Variants in FGF10 observed in about 807,000 individuals in gnomAD.
The protein encoded by FGF10 is FGF-10.
FGF10 carries 2 observed loss-of-function variants against 19.8 expected under a neutral mutation model. The ratio of observed to expected loss-of-function variants is 0.10; its 90% CI spans 0.04 to 0.32. The LOEUF (loss-of-function observed/expected upper bound fraction) is 0.32. FGF10 is among the 10% of genes least tolerant of loss of function. The probability of loss-of-function intolerance (pLI) is 1.00; values close to 1 mark genes in which losing one functional copy is unlikely to be tolerated. For missense variants in FGF10, 191 were observed against 246.3 expected (o/e 0.78, Z 1.50); for synonymous variants, 112 against 94.0 (o/e 1.19, Z -1.10).
At chr5:44,371,035 G>T (rs1350124130) in intron 1 of FGF10, among the ~76,000 whole-genome samples, 3 of 151,988 alleles carry the variant, frequency 2.0e-5, no homozygotes, top group Non-Finnish European at 2.9e-5. Flanking sequence ...CATTTGCTAT[G>T]GTTTGAATAT....
rs1010288974 is a variant in FGF10, at chr5:44,300,529, A to G, written c.*4466T>C. Among the ~76,000 whole-genome samples the G allele has an allele frequency of 3.9e-5, 6 of 152,316 alleles. No individual in the cohort carries two copies. Among genetic ancestry groups the G allele is most frequent in the African/African-American group, 1.4e-4 (6 of 41,578 alleles). On this transcript the variant is annotated 3_prime_UTR_variant, in exon 3 of 3. Coordinates refer to ENST00000264664, the MANE Select transcript of FGF10 (RefSeq NM_004465.2). ...GCTTAAAACAAAACAATGCAAATGT[A>G]ATCTTTCAATGGTAAAGAACATATG...
chr5:44,369,444 G>A (rs1218435530), intron 1 of FGF10, among the ~76,000 whole-genome samples: 2 of 152,156 alleles, frequency 1.3e-5, no homozygotes, highest in African/African-American at 4.8e-5. Flanking sequence ...GGGGTTAGAC[G>A]CACATACGCA....
intron 1 of FGF10, among the ~76,000 whole-genome samples, chr5:44,345,704 C>T (rs1741077230): frequency 6.6e-6 from 1 of 151,054 alleles, no homozygotes; most frequent in African/African-American, 2.4e-5. Context: ...TCAATTTCAA[C>T]TGTCTTTTCT....
chr5:44,346,831 T>C (rs1246502170), intron 1 of FGF10, among the ~76,000 whole-genome samples: 3 of 151,898 alleles, frequency 2.0e-5, no homozygotes, highest in African/African-American at 7.2e-5. Context: ...AACAGAATAA[T>C]TTTATTTAGT....
chr5:44,306,345 C>T (rs1377887942), intron 2 of FGF10, among the ~76,000 whole-genome samples: 1 of 152,026 alleles, frequency 6.6e-6, no homozygotes, highest in East Asian at 1.9e-4. Flanking sequence ...TGCAGTGAGC[C>T]GAGATCATTC....
rs537000860 is a variant in FGF10, at chr5:44,341,275, A to G, written c.326-30745T>C. 1.3e-4 allele frequency among the ~76,000 whole-genome samples: 20 copies of G among 152,072 alleles called. No homozygotes were observed. The East Asian group carries it at 3.9e-3, about 29-fold the overall frequency. ...TCTTTTTGAAAATGTGGTATACATA[A>G]GGAATGCTGCATTGGATAAAAATTG... On this transcript the variant is annotated intron_variant, in intron 1 of 2. Coordinates refer to ENST00000264664, the MANE Select transcript of FGF10 (RefSeq NM_004465.2).
At chr5:44,317,311 A>G (rs188731383) in intron 1 of FGF10, among the ~76,000 whole-genome samples, 82 of 152,318 alleles carry the variant, frequency 5.4e-4, no homozygotes, top group Non-Finnish European at 5.9e-5. Context: ...ATAAGATGAT[A>G]TATCTTTCAC....
intron 1 of FGF10, among the ~76,000 whole-genome samples, chr5:44,346,925 C>CGA (rs1741102942): frequency 6.6e-6 from 1 of 151,680 alleles, no homozygotes; most frequent in Non-Finnish European, 1.5e-5. Context: ...AGTTCTAGCA[C>CGA]AGCATCTTAT....
intron 1 of FGF10, among the ~76,000 whole-genome samples, chr5:44,321,979 C>T (rs537248641): frequency 5.3e-5 from 8 of 152,160 alleles, no homozygotes; most frequent in Non-Finnish European, 1.2e-4. Context: ...GCCAGGCTGG[C>T]ATTGAACTCC....
intron 1 of FGF10, among the ~76,000 whole-genome samples, chr5:44,380,458 G>A (rs778264258): frequency 1.1e-4 from 17 of 152,084 alleles, no homozygotes; most frequent in Non-Finnish European, 1.8e-4. Flanking sequence ...AAAGGCATAC[G>A]TATTTCTATA....
intron 1 of FGF10, among the ~76,000 whole-genome samples, chr5:44,358,840 T>C (rs902885785): frequency 2.6e-5 from 4 of 151,476 alleles, no homozygotes; most frequent in Non-Finnish European, 4.4e-5. Context: ...CATGACAACA[T>C]AAAAAGTCAG....
rs1579951927 is a variant in FGF10, at chr5:44,388,480, C to T, written c.203G>A (p.Arg68Gln). 1 of 1,613,992 alleles carries T rather than the reference C, an allele frequency of 6.2e-7. No individual in the cohort carries two copies. Among genetic ancestry groups the T allele is most frequent in the Non-Finnish European group, 8.5e-7 (1 of 1,180,004 alleles). The change falls in exon 1 of 3, where the codon CGG (arginine) becomes CAG (glutamine). Residue 68 changes from arginine to glutamine, a missense_variant. By Grantham distance (43) the Arg-to-Gln change is conservative. This residue lies in a region of FGF10 where 92 missense variants were observed against 84.6 expected (regional missense o/e 1.09). Coordinates refer to ENST00000264664, the MANE Select transcript of FGF10 (RefSeq NM_004465.2). ...ATCTCCTTGAAGGTGATTGTAGCTC[C>T]GCACATGCCTTCCCGCGCTGGAAGG... ...SSPSSAGRHV[R>Q]SYNHLQGDVR... is the part of the protein sequence containing the mutation.
In FGF10 at chr5:44,304,860, AGGCT is replaced by A; in HGVS notation, c.*131_*134del. 1 of 838,100 alleles carries A rather than the reference AGGCT, an allele frequency of 1.2e-6. No individual in the cohort carries two copies. Among genetic ancestry groups the A allele is most frequent in the Non-Finnish European group, 2.0e-6 (1 of 496,670 alleles). 51.9% of individuals were successfully genotyped at this position (838,100 alleles called of 1,614,324 possible). ...CAGCAGTGAATACAAAAACCTTCAA[AGGCT>A]GGCTTTCTTTTAAGCAAGCAGACAT... On this transcript the variant is annotated 3_prime_UTR_variant, in exon 3 of 3. Coordinates refer to ENST00000264664, the MANE Select transcript of FGF10 (RefSeq NM_004465.2).
At chr5:44,332,858 AAGG>A (rs1366408959) in intron 1 of FGF10, among the ~76,000 whole-genome samples, 1 of 151,942 alleles carries the variant, frequency 6.6e-6, no homozygotes, top group Admixed American at 6.6e-5. Context: ...GAAGGAGGGG[AAGG>A]AGGAGGAGGA....
At chr5:44,372,157 G>A (rs1353335482) in intron 1 of FGF10, among the ~76,000 whole-genome samples, 1 of 152,148 alleles carries the variant, frequency 6.6e-6, no homozygotes, top group African/African-American at 2.4e-5. Context: ...TGGCAGGGCT[G>A]TATTCCATCT....
chr5:44,379,860 C>G (rs1741948546), intron 1 of FGF10, among the ~76,000 whole-genome samples: 1 of 152,194 alleles, frequency 6.6e-6, no homozygotes, highest in Non-Finnish European at 1.5e-5. Flanking sequence ...TCTAAACACT[C>G]TAGGGCCTCT....
Position 44,371,338 on chromosome 5 carries a change from C to T in FGF10, c.325+17020G>A, listed in dbSNP as rs536768265. 1.4e-3 allele frequency among the ~76,000 whole-genome samples: 212 copies of T among 152,202 alleles called. 1 individual carries two copies. The highest frequency in any genetic ancestry group is 2.9e-3 in the East Asian group (15 of 5,152). ...ACAGATGCGGCTCCATGACTTTGGA[C>T]TTCTCAGACTTCAGAAGTATAAGAA... On this transcript the variant is annotated intron_variant, in intron 1 of 2. Coordinates refer to ENST00000264664, the MANE Select transcript of FGF10 (RefSeq NM_004465.2).
intron 1 of FGF10, among the ~76,000 whole-genome samples, chr5:44,338,734 A>G (rs61366317): frequency 0.014 from 2,137 of 152,332 alleles, 53 homozygotes; most frequent in African/African-American, 0.048. Context: ...AATTTCCCCA[A>G]CAGCTGAGTT....
intron 1 of FGF10, among the ~76,000 whole-genome samples, chr5:44,331,224 G>A (rs1204347679): frequency 6.6e-6 from 1 of 151,584 alleles, no homozygotes; most frequent in Non-Finnish European, 1.5e-5. Context: ...TAAAATTTTT[G>A]TGCACTTATT....
Sources: allele counts gnomAD v4.1 joint callset (sites outside exome capture counted in the v4.1 genomes callset), GRCh38; gene constraint gnomAD v4.1.1; regional missense constraint gnomAD v4.1.1; transcripts MANE v1.5; gene names NCBI Gene and HGNC (gene_info 2026-07-23, HGNC 2026-07-21).